The following GALNT18 variants were observed in gnomAD, a reference collection of about 807,000 sequenced individuals.
The protein encoded by GALNT18 is GalNAc-transferase 18.
In GALNT18, 44 loss-of-function variants were observed where a neutral mutation model predicts 69.5. That is an observed-to-expected ratio of 0.63 (90% CI 0.50 to 0.81). GALNT18 has a LOEUF of 0.81. Among genes scored for constraint, GALNT18 ranks in the 40% least tolerant of loss-of-function variants. The pLI is 0.00. For synonymous variants in GALNT18, 364 were observed against 318.2 expected (o/e 1.14, Z -1.53); for missense variants, 715 against 810.0 (o/e 0.88, Z 1.42).
At chr11:11,385,138 G>A (rs1245407231) in intron 3 of GALNT18, among the ~76,000 whole-genome samples, 1 of 151,950 alleles carries the variant, frequency 6.6e-6, no homozygotes, top group African/African-American at 2.4e-5. Flanking sequence ...AGAGTGGGGA[G>A]GCACCAGGCT....
rs1192688578 is a variant in GALNT18, at chr11:11,347,170, C to T, written c.1093-6166G>A. Among the ~76,000 whole-genome samples, 3 of 152,164 alleles carry T rather than the reference C, an allele frequency of 2.0e-5. No homozygotes were observed. The highest frequency in any genetic ancestry group is 2.9e-5 in the Non-Finnish European group (2 of 68,028). Reference sequence around the variant, plus strand: ...AGCTGCCAAATGGGGGAGCTGGACTCAATGTTGTCTTAGGTCCCCTCTACT... The same window carrying T: ...AGCTGCCAAATGGGGGAGCTGGACTTAATGTTGTCTTAGGTCCCCTCTACT... On this transcript the variant is annotated intron_variant, in intron 6 of 10. Coordinates refer to ENST00000227756, the MANE Select transcript of GALNT18 (RefSeq NM_198516.3). This position sits in a 1 kb window ranked among gnomAD's most constrained non-coding sequence, Gnocchi z 4.0.
rs558095256 is a variant in GALNT18, at chr11:11,299,110, G to A, written c.1513-5917C>T. Among the ~76,000 whole-genome samples, 5 of 152,238 alleles carry A rather than the reference G, an allele frequency of 3.3e-5. No individual in the cohort carries two copies. In the South Asian group the frequency reaches 8.3e-4, roughly 25 times the overall value. On this transcript the variant is annotated intron_variant, in intron 9 of 10. Transcript: ENST00000227756. Reference sequence around the variant, plus strand: ...GCTTTCTGAGATTTTGGTGCACCCAGCACCCAAGCAGTGGATACTCTGCCT... The same window carrying A: ...GCTTTCTGAGATTTTGGTGCACCCAACACCCAAGCAGTGGATACTCTGCCT...
rs61870297 is a variant in GALNT18 at position 11,436,396 on chromosome 11, G to A, written c.429-3609C>T. Reference sequence around the variant, plus strand: ...CTTGCCACCATCGTGACTATGTAGGGTGACAAGCTCATCCCAGTTTGCCCA... The same window carrying A: ...CTTGCCACCATCGTGACTATGTAGGATGACAAGCTCATCCCAGTTTGCCCA... On this transcript the variant is annotated intron_variant, in intron 2 of 10. Coordinates refer to ENST00000227756, the MANE Select transcript of GALNT18 (RefSeq NM_198516.3). This position sits in a 1 kb window ranked among gnomAD's most constrained non-coding sequence, Gnocchi z 4.5. Among the ~76,000 whole-genome samples, 17,976 of 152,044 alleles carry A rather than the reference G, an allele frequency of 0.12. 1,706 individuals carry two copies. Among genetic ancestry groups the A allele is most frequent in the Admixed American group, 0.32 (4,866 of 15,268 alleles).
In GALNT18 at chr11:11,404,603, C is replaced by A. The variant is rs1303248011; in HGVS notation, c.596-25339G>T. ...ACGGCTCCATCCAAACCTAAGCCCT[C>A]CGCCCCACCCTGCGTTCTGGAATTC... On this transcript the variant is annotated intron_variant, in intron 3 of 10. Transcript: ENST00000227756. This position sits in a 1 kb window ranked among gnomAD's most constrained non-coding sequence, Gnocchi z 4.5. Among the ~76,000 whole-genome samples, 1 of 152,146 alleles carries A rather than the reference C, an allele frequency of 6.6e-6. No individual in the cohort carries two copies. Among genetic ancestry groups the A allele is most frequent in the Non-Finnish European group, 1.5e-5 (1 of 68,026 alleles).
chr11:11,430,100 C>T lies in GALNT18; in HGVS notation c.595+2521G>A, dbSNP rs1306045965. ...GAGCTGTGATCGTGCCACTGCATTC[C>T]AGCCTGGGCAACAGAGCAAGACCCT... On this transcript the variant is annotated intron_variant, in intron 3 of 10. Coordinates refer to ENST00000227756, the MANE Select transcript of GALNT18 (RefSeq NM_198516.3). The surrounding 1 kb of genome is among the most constrained non-coding windows in gnomAD (Gnocchi z 4.9). 1.3e-5 allele frequency among the ~76,000 whole-genome samples: 2 copies of T among 152,014 alleles called. No individual in the cohort carries two copies. The highest frequency in any genetic ancestry group is 2.9e-5 in the Non-Finnish European group (2 of 68,010).
chr11:11,386,764 T>C (rs1854068956), intron 3 of GALNT18, among the ~76,000 whole-genome samples: 1 of 152,228 alleles, frequency 6.6e-6, no homozygotes, highest in Non-Finnish European at 1.5e-5. Context: ...CACAAAGTGA[T>C]CCAGGTAGCA....
At chr11:11,554,748 T>C (rs796510760) in intron 1 of GALNT18, among the ~76,000 whole-genome samples, 7 of 152,238 alleles carry the variant, frequency 4.6e-5, no homozygotes, top group African/African-American at 1.2e-4. Context: ...GTGTGGCTGA[T>C]TCCCTCACAT....
chr11:11,601,484 C>T lies in GALNT18; in HGVS notation c.235+19875G>A, dbSNP rs1859633687. ...GTCTCTATTGCTTATCTCCCTGTTACATTTCTGGCTGGACTGCCCGATTGG... is the reference window on the plus strand; with the variant it reads ...GTCTCTATTGCTTATCTCCCTGTTATATTTCTGGCTGGACTGCCCGATTGG... On this transcript the variant is annotated intron_variant, in intron 1 of 10. Coordinates refer to ENST00000227756, the MANE Select transcript of GALNT18 (RefSeq NM_198516.3). The surrounding 1 kb of genome is among the most constrained non-coding windows in gnomAD (Gnocchi z 4.0). Among the ~76,000 whole-genome samples, 1 of 152,218 alleles carries T rather than the reference C, an allele frequency of 6.6e-6. No homozygotes were observed. The highest frequency in any genetic ancestry group is 2.1e-4 in the South Asian group (1 of 4,826).
At position 11,614,761 on chromosome 11, in the gene GALNT18, C is replaced by T. The variant is rs1481580624; in HGVS notation, c.235+6598G>A. 2.0e-5 allele frequency among the ~76,000 whole-genome samples: 3 copies of T among 152,206 alleles called. No homozygotes were observed. The highest frequency in any genetic ancestry group is 4.8e-5 in the African/African-American group (2 of 41,450). On this transcript the variant is annotated intron_variant, in intron 1 of 10. Transcript: ENST00000227756. This position sits in a 1 kb window ranked among gnomAD's most constrained non-coding sequence, Gnocchi z 5.6. The stretch of plus-strand genomic sequence containing the variant: ...GGCCCTCATAAATGACAAAACCAGA[C>T]GTGGCTCTCTGACACTTTTCATTCT...
intron 10 of GALNT18, among the ~76,000 whole-genome samples, chr11:11,286,603 G>T (rs2132994709): frequency 6.6e-6 from 1 of 152,138 alleles, no homozygotes; most frequent in African/African-American, 2.4e-5. Flanking sequence ...CACACAGGGG[G>T]GACTTTGGTT....
intron 10 of GALNT18, 105 bp downstream of exon 10, chr11:11,292,924 C>G (rs1402070815): frequency 4.2e-5 from 44 of 1,054,388 alleles, no homozygotes; most frequent in South Asian, 7.0e-5. Flanking sequence ...GCCAGTCTGT[C>G]TCTCCTTCCC....
At chr11:11,367,535 T>A (rs1850799440) in intron 6 of GALNT18, among the ~76,000 whole-genome samples, 1 of 152,126 alleles carries the variant, frequency 6.6e-6, no homozygotes. Flanking sequence ...GATTCACAGT[T>A]GGGGCAAGAT....
rs1853945464 is a variant in GALNT18, at chr11:11,382,543, G to T, written c.596-3279C>A. On this transcript the variant is annotated intron_variant, in intron 3 of 10. Coordinates refer to ENST00000227756, the MANE Select transcript of GALNT18 (RefSeq NM_198516.3). The surrounding 1 kb of genome is among the most constrained non-coding windows in gnomAD (Gnocchi z 4.3). ...CTCCAAAGATTGTGTTTTTGGAGTTGAACTTGTGTTTTTTCTTACAGCCAA... is the reference window on the plus strand; with the variant it reads ...CTCCAAAGATTGTGTTTTTGGAGTTTAACTTGTGTTTTTTCTTACAGCCAA... Among the ~76,000 whole-genome samples the T allele has an allele frequency of 6.6e-6, 1 of 152,056 alleles. No individual in the cohort carries two copies. The highest frequency in any genetic ancestry group is 1.5e-5 in the Non-Finnish European group (1 of 67,994).
intron 1 of GALNT18, among the ~76,000 whole-genome samples, chr11:11,527,854 C>T (rs960753983): frequency 6.6e-6 from 1 of 152,190 alleles, no homozygotes; most frequent in African/African-American, 2.4e-5. Flanking sequence ...TAAACTCAGG[C>T]ACCCTAGCAG....
At chr11:11,553,306 T>C (rs1374141924) in intron 1 of GALNT18, among the ~76,000 whole-genome samples, 1 of 152,178 alleles carries the variant, frequency 6.6e-6, no homozygotes, top group South Asian at 2.1e-4. Flanking sequence ...CCTTCCCACC[T>C]GCTGCAGGAT....
chr11:11,348,870 G>A (rs1329721129), intron 6 of GALNT18, among the ~76,000 whole-genome samples: 1 of 152,176 alleles, frequency 6.6e-6, no homozygotes, highest in Non-Finnish European at 1.5e-5. Flanking sequence ...TGCACAGTAT[G>A]TGTGATAACT....
intron 3 of GALNT18, among the ~76,000 whole-genome samples, chr11:11,417,778 C>T (rs778765318): frequency 6.6e-6 from 1 of 152,204 alleles, no homozygotes; most frequent in Admixed American, 6.5e-5. Flanking sequence ...GTCTCTGCAG[C>T]TGGATCCAAC....
intron 3 of GALNT18, among the ~76,000 whole-genome samples, chr11:11,412,074 A>G (rs555956560): frequency 1.3e-5 from 2 of 152,236 alleles, no homozygotes; most frequent in South Asian, 4.2e-4. Context: ...CTGGCCAGCA[A>G]AACGGATCTG....
chr11:11,326,159 G>A (rs752199877), intron 9 of GALNT18, among the ~76,000 whole-genome samples: 17 of 149,420 alleles, frequency 1.1e-4, no homozygotes, highest in South Asian at 4.2e-4. Flanking sequence ...ATTCTCCTGC[G>A]TCAGCCTCCT....
Sources: gnomAD v4.1 joint callset for allele counts (sites outside exome capture counted in the v4.1 genomes callset) on GRCh38, gnomAD v4.1.1 for gene constraint, Gnocchi (gnomAD v3.1) non-coding constraint, MANE v1.5 for transcripts, NCBI Gene and HGNC (gene_info 2026-07-23, HGNC 2026-07-21) for gene names.